MEOX1: variants seen among roughly 807,000 people sequenced by gnomAD.
MEOX1 encodes the protein mesenchyme homeobox 1.
In MEOX1, 17 loss-of-function variants were observed where a neutral mutation model predicts 23.2. That is an observed-to-expected ratio of 0.73 (90% CI 0.50 to 1.10). The LOEUF is 1.10. Ranked by LOEUF, MEOX1 falls within the 50% of genes least tolerant of loss-of-function variation. The probability of loss-of-function intolerance (pLI) is 0.00; values close to 1 mark genes in which losing one functional copy is unlikely to be tolerated. For synonymous variants in MEOX1, 134 were observed against 135.1 expected, an observed-to-expected ratio of 0.99 and a Z score of 0.06; for missense variants, 333 against 332.2, an observed-to-expected ratio of 1.00 and a Z score of -0.02.
chr17:43,648,296 C>T (rs28505315), intron 1 of MEOX1, among the ~76,000 whole-genome samples: 21,865 of 151,692 alleles, frequency 0.14, 4,025 homozygotes, highest in African/African-American at 0.43. Flanking sequence ...GGTGAAACCC[C>T]GTCTCTACTA....
chr17:43,653,398 C>A (rs1467574184), intron 1 of MEOX1, among the ~76,000 whole-genome samples: 7 of 152,104 alleles, frequency 4.6e-5, no homozygotes, highest in African/African-American at 1.2e-4. Flanking sequence ...CCTTGGCCTC[C>A]CAAATAGCTG....
At position 43,640,973 on chromosome 17, in the gene MEOX1, A is replaced by G. The variant is rs1325966940; in HGVS notation, c.*937T>C. The G allele has an allele frequency of 6.6e-6, 1 of 151,954 alleles. No homozygotes were observed. Among genetic ancestry groups the G allele is most frequent in the Non-Finnish European group, 1.5e-5 (1 of 67,964 alleles). 9.4% of individuals were successfully genotyped at this position (151,954 alleles called of 1,614,324 possible). A position where few individuals can be genotyped will look rare whatever the true frequency, so the allele number is the denominator to read the frequency against. The stretch of plus-strand genomic sequence containing the variant: ...CCTTATTATCTCCCCTCCCCTCCAG[A>G]ATGCAGGGGACACTTTCCAGCCTCT... On this transcript the variant is annotated 3_prime_UTR_variant, in exon 3 of 3. Coordinates refer to ENST00000318579, the MANE Select transcript of MEOX1 (RefSeq NM_004527.4).
intron 1 of MEOX1, among the ~76,000 whole-genome samples, chr17:43,651,383 G>A (rs931850225): frequency 6.6e-5 from 10 of 152,090 alleles, no homozygotes; most frequent in African/African-American, 1.4e-4. Flanking sequence ...TGGTGAGGGG[G>A]AAGCGCAGCA....
Position 43,641,656 on chromosome 17 carries a change from C to T in MEOX1, c.*254G>A, listed in dbSNP as rs1038314085. The T allele has an allele frequency of 5.3e-5, 21 of 396,204 alleles. No individual in the cohort carries two copies. Among genetic ancestry groups the T allele is most frequent in the Non-Finnish European group, 8.6e-5 (19 of 221,082 alleles). The allele number at this position is 396,204 out of a possible 1,614,324, so 24.5% of individuals were successfully genotyped here. On this transcript the variant is annotated 3_prime_UTR_variant, in exon 3 of 3. Coordinates refer to ENST00000318579, the MANE Select transcript of MEOX1 (RefSeq NM_004527.4). ...AAGCTGTTTCCAGATTCATCCGGCC[C>T]GGTAGGATCTCTGTCTGATTCCATG... is the stretch of plus-strand genomic sequence containing the variant.
chr17:43,651,603 GA>G (rs1972917744), intron 1 of MEOX1, among the ~76,000 whole-genome samples: 1 of 152,288 alleles, frequency 6.6e-6, no homozygotes, highest in Admixed American at 6.5e-5. Flanking sequence ...AGAGGCCAGG[GA>G]GCCAAATTGG....
intron 1 of MEOX1, among the ~76,000 whole-genome samples, chr17:43,654,404 A>G (rs1239229515): frequency 6.6e-6 from 1 of 152,190 alleles, no homozygotes; most frequent in East Asian, 1.9e-4. Context: ...GCTACTTGGG[A>G]GACTGAGGCA....
At chr17:43,648,816 A>T (rs930666202) in intron 1 of MEOX1, among the ~76,000 whole-genome samples, 1 of 152,058 alleles carries the variant, frequency 6.6e-6, no homozygotes, top group Admixed American at 6.6e-5. Flanking sequence ...CTCTGTTCCA[A>T]AGCCCTCCCC....
chr17:43,657,488 A>G (rs1973062554), intron 1 of MEOX1, among the ~76,000 whole-genome samples: 1 of 151,824 alleles, frequency 6.6e-6, no homozygotes, highest in South Asian at 2.1e-4. Flanking sequence ...CGCCCGGCCA[A>G]CCCTTGCTTT....
chr17:43,658,221 T>C (rs556703864), intron 1 of MEOX1, among the ~76,000 whole-genome samples: 1 of 152,352 alleles, frequency 6.6e-6, no homozygotes, highest in East Asian at 1.9e-4. Flanking sequence ...TCAAGATCAA[T>C]AATATTTTAA....
At chr17:43,645,641 T>C (rs1271855990) in intron 1 of MEOX1, among the ~76,000 whole-genome samples, 1 of 152,156 alleles carries the variant, frequency 6.6e-6, no homozygotes, top group Non-Finnish European at 1.5e-5. Context: ...CTAAGCTACC[T>C]GGGGGACTGG....
At chr17:43,643,905 T>G (rs1972753563) in intron 1 of MEOX1, among the ~76,000 whole-genome samples, 1 of 111,772 alleles carries the variant, frequency 8.9e-6, no homozygotes, top group South Asian at 3.7e-4. Context: ...CCCCAAACTT[T>G]CTTTTATTCC....
rs1480671932 is a variant in MEOX1, at chr17:43,661,879, G to A, written c.-345C>T. On this transcript the variant is annotated 5_prime_UTR_variant, in exon 1 of 3. Coordinates refer to ENST00000318579, the MANE Select transcript of MEOX1 (RefSeq NM_004527.4). ...TCCCAACCCAGACGCACCAGCTGAC[G>A]AGGAGTTCGTCCTGGAGCCCAGAGC... The A allele has an allele frequency of 9.9e-6, 2 of 201,984 alleles. No homozygotes were observed. The highest frequency in any genetic ancestry group is 1.9e-4 in the South Asian group (1 of 5,346). 12.5% of individuals were successfully genotyped at this position (201,984 alleles called of 1,614,324 possible). A position where few individuals can be genotyped will look rare whatever the true frequency, so the allele number is the denominator to read the frequency against.
intron 1 of MEOX1, among the ~76,000 whole-genome samples, chr17:43,653,956 C>T (rs913184165): frequency 5.3e-5 from 8 of 152,196 alleles, no homozygotes; most frequent in African/African-American, 1.9e-4. Flanking sequence ...GTCAGGCACA[C>T]ATCTGGGTGC....
rs1289082211 is a variant in MEOX1, at chr17:43,661,440, G to T, written c.95C>A (p.Ala32Asp). 3 of 1,612,276 alleles carry T rather than the reference G, an allele frequency of 1.9e-6. No individual in the cohort carries two copies. Among genetic ancestry groups the T allele is most frequent in the Non-Finnish European group, 2.5e-6 (3 of 1,179,322 alleles). Residue 32 changes from alanine (A) to aspartate (D), a missense_variant, in exon 1 of 3, where the codon GCC becomes GAC. Transcript: ENST00000318579. ...GGGCGGGTAGTGGGGTAGCCCTGAG[G>T]CCCCATTGCCTTCCGAGTGGGGGTT... ...LRNPHSEGNG[A>D]SGLPHYPPTP...
chr17:43,650,402 T>G (rs1028463545), intron 1 of MEOX1, among the ~76,000 whole-genome samples: 2 of 152,220 alleles, frequency 1.3e-5, no homozygotes, highest in Admixed American at 6.5e-5. Flanking sequence ...ATCCTCTTAA[T>G]TATTCCATTA....
intron 1 of MEOX1, among the ~76,000 whole-genome samples, chr17:43,649,874 C>T (rs1338340024): frequency 6.6e-6 from 1 of 152,214 alleles, no homozygotes; most frequent in Non-Finnish European, 1.5e-5. Context: ...GAAATGCAAA[C>T]GGTGTGCATG....
chr17:43,660,795 C>T (rs568717932), intron 1 of MEOX1, among the ~76,000 whole-genome samples: 25 of 152,330 alleles, frequency 1.6e-4, no homozygotes, highest in Non-Finnish European at 2.4e-4. Context: ...ATCCATTTCA[C>T]GTGTCCTCCA....
At chr17:43,657,099 TTCTC>T (rs541825452) in intron 1 of MEOX1, among the ~76,000 whole-genome samples, 8 of 149,296 alleles carry the variant, frequency 5.4e-5, no homozygotes, top group East Asian at 3.9e-4. Flanking sequence ...TTCTTTTTCT[TTCTC>T]TCTTTTTCTC....
intron 1 of MEOX1, among the ~76,000 whole-genome samples, chr17:43,654,801 C>G (rs1252563900): frequency 6.6e-6 from 1 of 152,008 alleles, no homozygotes; most frequent in African/African-American, 2.4e-5. Flanking sequence ...ACCTGTAATC[C>G]CAGTGCTTTG....
Sources: gnomAD v4.1 joint callset for allele counts (sites outside exome capture counted in the v4.1 genomes callset) on GRCh38, gnomAD v4.1.1 for gene constraint, MANE v1.5 for transcripts, NCBI Gene and HGNC (gene_info 2026-07-23, HGNC 2026-07-21) for gene names.